FABP12: variants seen among roughly 807,000 people sequenced by gnomAD.
The protein encoded by FABP12 is fatty acid-binding protein 12.
FABP12 carries 19 observed loss-of-function variants against 13.7 expected under a neutral mutation model. The ratio of observed to expected loss-of-function variants is 1.39; its 90% confidence interval spans 0.97 to 2.04. The LOEUF (loss-of-function observed/expected upper bound fraction) is 2.04. Among genes scored for constraint, FABP12 ranks in the 30% most tolerant of loss-of-function variants. FABP12 has a pLI of 0.00. For missense variants in FABP12, 182 were observed against 164.2 expected (o/e 1.11, Z -0.59); for synonymous variants, 61 against 57.0 (o/e 1.07, Z -0.32).
Position 81,529,272 on chromosome 8 carries a change from AT to A in FABP12, c.246+165del. 5 of 692,194 alleles carry A rather than the reference AT, an allele frequency of 7.2e-6. No homozygotes were observed. In the South Asian group the frequency reaches 9.2e-5, roughly 13 times the overall value. The allele number at this position is 692,194 out of a possible 1,614,324, so 42.9% of individuals were successfully genotyped here. On this transcript the variant is annotated intron_variant, in intron 3 of 4. Coordinates refer to ENST00000360464, the Ensembl canonical transcript of FABP12. ...TGAGCAGGAGGCATTTTTCACAAGC[AT>A]CCCAGAAGATTTGTATCTTCACATT...
chr8:81,526,876 T>A (rs11995519), intron 4 of FABP12, 144 bp downstream of exon 4: 26,790 of 580,536 alleles, frequency 0.046, 1,156 homozygotes, highest in African/African-American at 0.17. Flanking sequence ...CTTACGATTA[T>A]ACATTTATCT....
At chr8:81,534,043 CA>C (rs1809157442), upstream of FABP12, among the ~76,000 whole-genome samples, 1 of 152,114 alleles carries the variant, frequency 6.6e-6, no homozygotes, top group Non-Finnish European at 1.5e-5. Flanking sequence ...TTACAGATGG[CA>C]TGATCTTTCT....
chr8:81,542,599 G>A (rs531865754), intron 1 of FABP12, among the ~76,000 whole-genome samples: 1 of 152,302 alleles, frequency 6.6e-6, no homozygotes, highest in Admixed American at 6.5e-5. Flanking sequence ...ATTCCCACAA[G>A]TCTACAGGTG....
At chr8:81,559,341 A>G (rs373599366) in intron 1 of FABP12, among the ~76,000 whole-genome samples, 3 of 152,312 alleles carry the variant, frequency 2.0e-5, no homozygotes, top group Non-Finnish European at 1.5e-5. Context: ...AGCTTTTCTG[A>G]GGCAAATAAA....
At chr8:81,554,251 G>A (rs535414136) in intron 1 of FABP12, among the ~76,000 whole-genome samples, 43 of 152,152 alleles carry the variant, frequency 2.8e-4, no homozygotes, top group Admixed American at 1.8e-3. Context: ...TGTATTTTCC[G>A]ACTGGATATT....
chr8:81,578,759 C>T, intron 1 of FABP12, among the ~76,000 whole-genome samples: 1 of 150,428 alleles, frequency 6.6e-6, no homozygotes, highest in East Asian at 2.0e-4. Flanking sequence ...GCTGGGATTA[C>T]AGGTGTGAGC....
rs188575543 is a variant in FABP12, at chr8:81,556,602, A to C, written c.-184-16859T>G. On this transcript the variant is annotated intron_variant, in intron 1 of 5. Transcript: ENST00000692030. The stretch of plus-strand genomic sequence containing the variant: ...GTCATCATTTTCTTCAAAAGAATAA[A>C]AATATAAAATATTAAAGTAGGAAAA... Among the ~76,000 whole-genome samples the C allele has an allele frequency of 2.2e-3, 332 of 151,768 alleles. 2 individuals carry two copies. The highest frequency in any genetic ancestry group is 7.3e-3 in the African/African-American group (303 of 41,508).
intron 1 of FABP12, among the ~76,000 whole-genome samples, chr8:81,531,632 G>C (rs1310587722): frequency 3.9e-5 from 6 of 152,176 alleles, no homozygotes; most frequent in Non-Finnish European, 8.8e-5. Flanking sequence ...GGACCTGCCA[G>C]GCACAAAGCA....
At chr8:81,560,842 C>T (rs779947807) in intron 1 of FABP12, among the ~76,000 whole-genome samples, 1 of 152,168 alleles carries the variant, frequency 6.6e-6, no homozygotes. Context: ...TGCTCTTAAT[C>T]CTTAGGCTGT....
chr8:81,553,478 T>C (rs901248213), intron 1 of FABP12, among the ~76,000 whole-genome samples: 3 of 151,956 alleles, frequency 2.0e-5, no homozygotes, highest in African/African-American at 7.3e-5. Context: ...AAAGTCATAG[T>C]CACAGACATC....
chr8:81,555,563 T>G (rs1234452180), intron 1 of FABP12, among the ~76,000 whole-genome samples: 1 of 152,230 alleles, frequency 6.6e-6, no homozygotes, highest in Admixed American at 6.5e-5. Flanking sequence ...GAAAGAATAC[T>G]GTCACAAAGG....
intron 1 of FABP12, among the ~76,000 whole-genome samples, chr8:81,552,751 G>A (rs1388184716): frequency 2.6e-4 from 39 of 152,116 alleles, no homozygotes. Context: ...GCACACAGTA[G>A]AAGATGATGA....
At chr8:81,555,914 T>C (rs1334489672) in intron 1 of FABP12, among the ~76,000 whole-genome samples, 5 of 152,224 alleles carry the variant, frequency 3.3e-5, no homozygotes. Flanking sequence ...TAGACAAATT[T>C]AATTTGTGGA....
intron 1 of FABP12, among the ~76,000 whole-genome samples, chr8:81,556,549 C>G (rs1488688778): frequency 7.3e-6 from 1 of 137,826 alleles, no homozygotes; most frequent in Admixed American, 7.0e-5. Context: ...CCAGAAAGGA[C>G]TAACTTTAAT....
intron 1 of FABP12, among the ~76,000 whole-genome samples, chr8:81,541,910 TAAAAAAAAAAAAAAAAAAAA>T (rs1167487132): frequency 1.4e-5 from 1 of 71,156 alleles, no homozygotes; most frequent in Admixed American, 1.9e-4. Flanking sequence ...TCCCAGGGTT[TAAAAAAAAAAAAAAAAAAAA>T]AAAAAAAAAA....
intron 1 of FABP12, among the ~76,000 whole-genome samples, chr8:81,586,238 G>A (rs116150164): frequency 2.0e-5 from 3 of 151,378 alleles, no homozygotes; most frequent in Non-Finnish European, 4.4e-5. Flanking sequence ...TTATTCATCC[G>A]ACTGTTGATG....
chr8:81,580,228 T>C (rs890741776), intron 1 of FABP12, among the ~76,000 whole-genome samples: 13 of 152,242 alleles, frequency 8.5e-5, no homozygotes, highest in Admixed American at 6.5e-5. Flanking sequence ...ATTTAACATG[T>C]TTGTAAGTTT....
intron 1 of FABP12, among the ~76,000 whole-genome samples, chr8:81,566,722 G>GA (rs941885846): frequency 5.3e-5 from 8 of 152,050 alleles, no homozygotes; most frequent in African/African-American, 1.9e-4. Flanking sequence ...GGAAAAAACT[G>GA]AAAGCTTTTA....
chr8:81,558,436 A>T (rs2130035363), intron 1 of FABP12, among the ~76,000 whole-genome samples: 1 of 152,224 alleles, frequency 6.6e-6, no homozygotes, highest in East Asian at 1.9e-4. Flanking sequence ...CCCCTCCTCC[A>T]TCTTTCCTGC....
Sources: gnomAD v4.1 joint callset for allele counts (sites outside exome capture counted in the v4.1 genomes callset) on GRCh38, gnomAD v4.1.1 for gene constraint, MANE v1.5 for transcripts, NCBI Gene and HGNC (gene_info 2026-07-23, HGNC 2026-07-21) for gene names.